The following DTX1 variants were observed in gnomAD, a reference collection of about 807,000 sequenced individuals.
DTX1 encodes the protein E3 ubiquitin-protein ligase DTX1.
DTX1 carries 26 observed loss-of-function variants against 57.8 expected under a neutral mutation model. The observed-to-expected ratio is 0.45, with a 90% confidence interval of 0.33 to 0.62. The LOEUF is 0.62. Among genes scored for constraint, DTX1 ranks in the 20% least tolerant of loss-of-function variants. DTX1 has a pLI of 0.02. For synonymous variants in DTX1, 398 were observed against 394.1 expected (o/e 1.01, Z -0.12); for missense variants, 704 against 895.3 (o/e 0.79, Z 2.73).
At chr12:113,070,161 G>T (rs2044729549) in intron 2 of DTX1, among the ~76,000 whole-genome samples, 1 of 152,180 alleles carries the variant, frequency 6.6e-6, no homozygotes, top group Non-Finnish European at 1.5e-5. Flanking sequence ...CCTCCTAGGG[G>T]TGCTAAACAC....
At chr12:113,072,524 T>C (rs2044743601) in intron 2 of DTX1, among the ~76,000 whole-genome samples, 1 of 152,082 alleles carries the variant, frequency 6.6e-6, no homozygotes, top group Non-Finnish European at 1.5e-5. Flanking sequence ...CTGTATTCAT[T>C]GAGTGCTTAC....
Position 113,097,002 on chromosome 12 carries a change from A to G in DTX1, c.*63A>G. On this transcript the variant is annotated 3_prime_UTR_variant, in exon 10 of 10. Transcript: ENST00000548759. ...TGGTCCGGCAAATGCCTCCTTCGCCAGGTGTGTCCTGGTAGCCCAGGTTCA... is the reference window on the plus strand; with the variant it reads ...TGGTCCGGCAAATGCCTCCTTCGCCGGGTGTGTCCTGGTAGCCCAGGTTCA... The G allele has an allele frequency of 1.3e-6, 2 of 1,507,450 alleles. No homozygotes were observed. The highest frequency in any genetic ancestry group is 1.8e-6 in the Non-Finnish European group (2 of 1,125,110). The allele number at this position is 1,507,450 out of a possible 1,614,324, so 93.4% of individuals were successfully genotyped here. A position where few individuals can be genotyped will look rare whatever the true frequency, so the allele number is the denominator to read the frequency against.
At chr12:113,059,805 G>T (rs1482070862) in intron 2 of DTX1, among the ~76,000 whole-genome samples, 1 of 152,182 alleles carries the variant, frequency 6.6e-6, no homozygotes, top group South Asian at 2.1e-4. Flanking sequence ...CCAACCACAT[G>T]TGGCTACTTA....
intron 1 of DTX1, among the ~76,000 whole-genome samples, chr12:113,057,161 C>T (rs1272258499): frequency 6.6e-6 from 1 of 152,018 alleles, no homozygotes; most frequent in South Asian, 2.1e-4. Flanking sequence ...CGGCGCACCC[C>T]AGCGCACCCG....
At chr12:113,057,150 C>T (rs2136419564) in intron 1 of DTX1, among the ~76,000 whole-genome samples, 1 of 152,072 alleles carries the variant, frequency 6.6e-6, no homozygotes, top group East Asian at 2.0e-4. Context: ...CCCGTGCTTC[C>T]CGGCGCACCC....
intron 3 of DTX1, among the ~76,000 whole-genome samples, chr12:113,092,032 A>G (rs184978236): frequency 1.3e-5 from 2 of 152,362 alleles, no homozygotes; most frequent in Admixed American, 6.5e-5. Flanking sequence ...AGTCCTCCCA[A>G]CGACTATAAG....
chr12:113,082,651 A>G (rs191126342), intron 3 of DTX1, among the ~76,000 whole-genome samples: 8 of 152,294 alleles, frequency 5.3e-5, no homozygotes, highest in African/African-American at 1.7e-4. Flanking sequence ...GCTGGAGTAC[A>G]GTGGCGCAAT....
At chr12:113,092,746 CCTT>C (rs1160230500) in intron 3 of DTX1, among the ~76,000 whole-genome samples, 2 of 152,160 alleles carry the variant, frequency 1.3e-5, no homozygotes, top group Admixed American at 1.3e-4. Context: ...ATTCCTGAAT[CCTT>C]CTTTCCTGGA....
chr12:113,095,182 T>C lies in DTX1; in HGVS notation c.1527T>C (p.Tyr509=). 13 of 1,608,586 alleles carry C rather than the reference T, an allele frequency of 8.1e-6. No individual in the cohort carries two copies. The highest frequency in any genetic ancestry group is 1.0e-5 in the Non-Finnish European group (12 of 1,175,422). ...FPDTQTIRIV[Y]DIPTGIQGPE... is the part of the protein sequence containing the mutation. ...ATACCCAGACCATCCGCATCGTCTA[T>C]GACATCCCCACAGGCATCCAGGTGG... is the stretch of plus-strand genomic sequence containing the variant. The change falls in exon 8 of 10, where the codon TAT becomes TAC. Residue 509 remains tyrosine, a synonymous_variant. Coordinates refer to ENST00000548759, the MANE Select transcript of DTX1 (RefSeq NM_004416.3).
intron 3 of DTX1, among the ~76,000 whole-genome samples, chr12:113,082,494 G>A (rs767163919): frequency 6.6e-6 from 1 of 152,150 alleles, no homozygotes; most frequent in African/African-American, 2.4e-5. Flanking sequence ...GGATGGAGGT[G>A]GGGGGTCTTT....
intron 2 of DTX1, among the ~76,000 whole-genome samples, chr12:113,075,750 T>C (rs2044766958): frequency 6.6e-6 from 1 of 151,872 alleles, no homozygotes; most frequent in African/African-American, 2.4e-5. Flanking sequence ...AACAGATGAA[T>C]GAAAGTAACA....
chr12:113,072,806 C>A (rs988823515), intron 2 of DTX1, among the ~76,000 whole-genome samples: 1 of 148,030 alleles, frequency 6.8e-6, no homozygotes, highest in East Asian at 2.0e-4. Context: ...TGGGTTCAAG[C>A]GATTCTCATG....
intron 3 of DTX1, among the ~76,000 whole-genome samples, chr12:113,079,297 G>C (rs1592849209): frequency 6.6e-6 from 1 of 152,274 alleles, no homozygotes; most frequent in East Asian, 1.9e-4. Flanking sequence ...CAATCACTAT[G>C]GCATGGCCGG....
rs965596885 is a variant in DTX1 at position 113,077,170 on chromosome 12, C to A, written c.260-254C>A. On this transcript the variant is annotated intron_variant, in intron 2 of 9. Coordinates refer to ENST00000548759, the MANE Select transcript of DTX1 (RefSeq NM_004416.3). The surrounding 1 kb of genome is among the most constrained non-coding windows in gnomAD (Gnocchi z 7.8). The stretch of plus-strand genomic sequence containing the variant: ...CTCGCCCCAGTGCTATGCGCTGAAC[C>A]TTTAGCCCCGGCCCCCCTCACCCTG... Among the ~76,000 whole-genome samples the A allele has an allele frequency of 6.6e-6, 1 of 152,168 alleles. No individual in the cohort carries two copies. The highest frequency in any genetic ancestry group is 1.9e-4 in the East Asian group (1 of 5,198).
At chr12:113,058,581 A>G in intron 2 of DTX1, 130 bp downstream of exon 2, 1 of 1,441,902 alleles carries the variant, frequency 6.9e-7, no homozygotes, top group Non-Finnish European at 9.2e-7. Context: ...CACCTCCAGA[A>G]AAACAGGGCA....
intron 3 of DTX1, among the ~76,000 whole-genome samples, chr12:113,085,918 A>C (rs1291874934): frequency 1.3e-5 from 2 of 152,188 alleles, no homozygotes; most frequent in Admixed American, 6.5e-5. Flanking sequence ...TGATGAGAAG[A>C]AAAGGCCTCA....
At chr12:113,085,622 C>T (rs1264731617) in intron 3 of DTX1, among the ~76,000 whole-genome samples, 2 of 152,172 alleles carry the variant, frequency 1.3e-5, no homozygotes, top group African/African-American at 4.8e-5. Flanking sequence ...GGGCATTAAC[C>T]CTTTGTCTCC....
At chr12:113,082,893 T>C (rs2044828745) in intron 3 of DTX1, among the ~76,000 whole-genome samples, 1 of 152,212 alleles carries the variant, frequency 6.6e-6, no homozygotes, top group Admixed American at 6.5e-5. Context: ...CCACAGCGAC[T>C]GGCCTGTCTC....
At chr12:113,073,957 G>C (rs901194948) in intron 2 of DTX1, among the ~76,000 whole-genome samples, 1 of 152,168 alleles carries the variant, frequency 6.6e-6, no homozygotes, top group African/African-American at 2.4e-5. Context: ...ACAGCCTGGC[G>C]CAGTGGCTCA....
Sources: gnomAD v4.1 joint callset for allele counts (sites outside exome capture counted in the v4.1 genomes callset) on GRCh38, gnomAD v4.1.1 for gene constraint, Gnocchi (gnomAD v3.1) non-coding constraint, MANE v1.5 for transcripts, NCBI Gene and HGNC (gene_info 2026-07-23, HGNC 2026-07-21) for gene names.